LTBP2: variants seen among roughly 807,000 people sequenced by gnomAD.
LTBP2 encodes the protein latent-transforming growth factor beta-binding protein 2.
Under a neutral mutation model 210.6 loss-of-function variants are expected in LTBP2, and 103 were observed. The ratio of observed to expected loss-of-function variants is 0.49; its 90% CI spans 0.42 to 0.58. LTBP2 has a LOEUF of 0.58. Ranked by LOEUF, LTBP2 falls within the 20% of genes least tolerant of loss-of-function variation. The pLI, the probability that LTBP2 is intolerant of heterozygous loss-of-function variation, is 0.00. For synonymous variants in LTBP2, 1,007 were observed against 1,015.0 expected (o/e 0.99, Z 0.15); for missense variants, 2,313 against 2,494.5 (o/e 0.93, Z 1.55).
intron 1 of LTBP2, among the ~76,000 whole-genome samples, chr14:74,605,803 T>C (rs1239627816): frequency 6.6e-6 from 1 of 152,108 alleles, no homozygotes. Flanking sequence ...TTGCTTTGCC[T>C]GCACAGAGTA....
rs1380774423 is a variant in LTBP2 at position 74,500,177 on chromosome 14, A to G, written c.*707T>C. On this transcript the variant is annotated 3_prime_UTR_variant, in exon 36 of 36. Transcript: ENST00000261978. Reference sequence around the variant, plus strand: ...TTGGCTCCCCTTTCTCATCAACTCCACGTATTTTTCATCATGTCCTCTTGC... The same window carrying G: ...TTGGCTCCCCTTTCTCATCAACTCCGCGTATTTTTCATCATGTCCTCTTGC... The G allele has an allele frequency of 1.3e-5, 3 of 234,522 alleles. No individual in the cohort carries two copies. The highest frequency in any genetic ancestry group is 2.5e-5 in the Non-Finnish European group (3 of 119,150). 14.5% of individuals were successfully genotyped at this position (234,522 alleles called of 1,614,324 possible). A position where few individuals can be genotyped will look rare whatever the true frequency, so the allele number is the denominator to read the frequency against.
chr14:74,506,874 T>TGCAC, intron 26 of LTBP2, 51 bp from the exon 27 acceptor site: 1 of 1,207,722 alleles, frequency 8.3e-7, no homozygotes, highest in Non-Finnish European at 1.1e-6. Flanking sequence ...TGTGTGTGTG[T>TGCAC]GTGTGCGCGC....
chr14:74,528,104 G>T (rs889039021), intron 12 of LTBP2, among the ~76,000 whole-genome samples: 1 of 152,204 alleles, frequency 6.6e-6, no homozygotes, highest in African/African-American at 2.4e-5. Flanking sequence ...CGGGCCAGGG[G>T]TCTGACATGC....
intron 18 of LTBP2, among the ~76,000 whole-genome samples, chr14:74,516,505 T>C (rs1218805307): frequency 6.6e-6 from 1 of 152,152 alleles, no homozygotes; most frequent in African/African-American, 2.4e-5. Context: ...ACACACCGAC[T>C]CTTCCTCTGC....
At chr14:74,510,249 C>T in intron 19 of LTBP2, 36 bp from the exon 20 acceptor site, 1 of 1,610,192 alleles carries the variant, frequency 6.2e-7, no homozygotes, top group Admixed American at 1.7e-5. Context: ...GGGCTGGCCT[C>T]CTCCCCATCC....
At chr14:74,582,552 C>T (rs914653981) in intron 3 of LTBP2, among the ~76,000 whole-genome samples, 1 of 152,136 alleles carries the variant, frequency 6.6e-6, no homozygotes, top group Non-Finnish European at 1.5e-5. Context: ...TCAGGCACCA[C>T]ACTAAGTGTT....
At position 74,506,205 on chromosome 14, in the gene LTBP2, GAAC is replaced by G. The variant is rs769151127; in HGVS notation, c.4034-17_4034-15del. ...ACTCGTTCACATCTGCCAGGTGTGAGAACAGGCTCGTGGGCAGAAAAGAGGCAG... is the reference window on the plus strand; with the variant it reads ...ACTCGTTCACATCTGCCAGGTGTGAGAGGCTCGTGGGCAGAAAAGAGGCAG... On this transcript the variant is annotated splice_polypyrimidine_tract_variant and intron_variant, in intron 27 of 35. Coordinates refer to ENST00000261978, the MANE Select transcript of LTBP2 (RefSeq NM_000428.3). 6.9e-5 allele frequency: 111 copies of G among 1,614,012 alleles called. No individual in the cohort carries two copies. The African/African-American group carries it at 1.4e-3, about 21-fold the overall frequency.
At chr14:74,587,424 G>A (rs1293273885) in intron 2 of LTBP2, among the ~76,000 whole-genome samples, 1 of 151,860 alleles carries the variant, frequency 6.6e-6, no homozygotes, top group African/African-American at 2.4e-5. Context: ...CAGGGGTCCA[G>A]GCCGAACCAG....
At chr14:74,580,962 T>A (rs56041263) in intron 3 of LTBP2, among the ~76,000 whole-genome samples, 6,345 of 151,738 alleles carry the variant, frequency 0.042, 348 homozygotes, top group African/African-American at 0.12. Context: ...CAAAAAAAAA[T>A]AATAATAATA....
intron 1 of LTBP2, 73 bp downstream of exon 1, chr14:74,611,378 C>T (rs147260426): frequency 1.4e-6 from 2 of 1,395,498 alleles, no homozygotes; most frequent in Non-Finnish European, 1.9e-6. Flanking sequence ...CCTCTCCTCT[C>T]GCCTGCACGC....
intron 2 of LTBP2, among the ~76,000 whole-genome samples, chr14:74,596,149 T>C (rs1038104547): frequency 2.6e-5 from 4 of 151,888 alleles, no homozygotes; most frequent in Admixed American, 2.6e-4. Context: ...TGCTTGAACC[T>C]GGGAGGCCGA....
chr14:74,502,003 C>G (rs2086916644), intron 34 of LTBP2: 1 of 315,408 alleles, frequency 3.2e-6, no homozygotes, highest in Non-Finnish European at 6.1e-6. Context: ...GCAGAGGGGC[C>G]TCACTCAACA....
At chr14:74,568,432 C>G (rs1022032105) in intron 3 of LTBP2, among the ~76,000 whole-genome samples, 1 of 151,772 alleles carries the variant, frequency 6.6e-6, no homozygotes, top group Admixed American at 6.6e-5. Flanking sequence ...GAGACATGAG[C>G]CGGAGGAAGG....
chr14:74,604,554 C>CTT (rs779089868), intron 1 of LTBP2, among the ~76,000 whole-genome samples: 3 of 142,356 alleles, frequency 2.1e-5, no homozygotes, highest in African/African-American at 5.2e-5. Flanking sequence ...TCAACTACTC[C>CTT]TTTTTTTTTT....
At position 74,503,291 on chromosome 14, in the gene LTBP2, AG is replaced by A; in HGVS notation, c.4815del (p.Tyr1606ThrfsTer135). ...CCGTCCTGGCAGCAGCATTCCGTGT[AG>A]GTGGTGCGGTGCCCACGCAGGGGTT... ...CSEPLRGHRT[T>X]YTECCCQDGE... On this transcript the variant is annotated frameshift_variant, in exon 33 of 36. Transcript: ENST00000261978. LOFTEE classifies it high-confidence loss of function. 1.2e-6 allele frequency: 2 copies of A among 1,614,088 alleles called. No homozygotes were observed. Among genetic ancestry groups the A allele is most frequent in the Non-Finnish European group, 1.7e-6 (2 of 1,180,044 alleles).
rs767717908 is a variant in LTBP2, at chr14:74,503,920, C to T, written c.4582+6G>A. ...GGGTGGGGGCAGGGATCATGTGTGTCCTTACCCTCACACTTCTTGTGGGAA... is the reference window on the plus strand; with the variant it reads ...GGGTGGGGGCAGGGATCATGTGTGTTCTTACCCTCACACTTCTTGTGGGAA... On this transcript the variant is annotated splice_donor_region_variant and intron_variant, in intron 31 of 35. Coordinates refer to ENST00000261978, the MANE Select transcript of LTBP2 (RefSeq NM_000428.3). 2 of 1,614,026 alleles carry T rather than the reference C, an allele frequency of 1.2e-6. No individual in the cohort carries two copies. The highest frequency in any genetic ancestry group is 2.2e-5 in the South Asian group (2 of 91,066).
At chr14:74,576,453 T>TTA (rs1185543623) in intron 3 of LTBP2, among the ~76,000 whole-genome samples, 5 of 152,004 alleles carry the variant, frequency 3.3e-5, no homozygotes, top group Admixed American at 2.6e-4. Flanking sequence ...AATAAGTAAA[T>TTA]TATATGCTAC....
At chr14:74,540,809 A>AAT (rs1358020227) in intron 8 of LTBP2, among the ~76,000 whole-genome samples, 14 of 63,814 alleles carry the variant, frequency 2.2e-4, no homozygotes, top group African/African-American at 7.1e-4. Context: ...ATATATATAT[A>AAT]ATATATATAT....
chr14:74,561,779 T>C (rs922204992), intron 3 of LTBP2, among the ~76,000 whole-genome samples: 22 of 152,124 alleles, frequency 1.4e-4, no homozygotes, highest in Admixed American at 1.4e-3. Context: ...GGACCCACGA[T>C]GGACTGTGTT....
Sources: allele counts gnomAD v4.1 joint callset (sites outside exome capture counted in the v4.1 genomes callset), GRCh38; gene constraint gnomAD v4.1.1; transcripts MANE v1.5; gene names NCBI Gene and HGNC (gene_info 2026-07-23, HGNC 2026-07-21).